Variants in GFRA1 observed in about 807,000 individuals in gnomAD.
GFRA1 encodes GDNF family receptor alpha-1.
A neutral mutation model predicts 51.6 loss-of-function variants in GFRA1; 16 were observed. That is an observed-to-expected ratio of 0.31 (90% CI 0.21 to 0.47). The LOEUF (loss-of-function observed/expected upper bound fraction) is 0.47. GFRA1 is among the 20% of genes least tolerant of loss of function. The pLI, the probability that GFRA1 is intolerant of heterozygous loss-of-function variation, is 1.00. For synonymous variants in GFRA1, 270 were observed against 241.3 expected (o/e 1.12, Z -1.10); for missense variants, 530 against 594.3 (o/e 0.89, Z 1.13).
chr10:116,077,065 T>C (rs1955648763), intron 9 of GFRA1, among the ~76,000 whole-genome samples: 1 of 152,166 alleles, frequency 6.6e-6, no homozygotes, highest in African/African-American at 2.4e-5. Context: ...AGAGACTTTA[T>C]AAGAGTTAGG....
chr10:116,187,745 G>A (rs372578753), intron 5 of GFRA1, among the ~76,000 whole-genome samples: 6 of 152,260 alleles, frequency 3.9e-5, no homozygotes, highest in African/African-American at 1.4e-4. Context: ...GGCTATGAAA[G>A]GGCAGCAGTT....
chr10:116,160,809 A>T (rs1959687842), intron 5 of GFRA1, among the ~76,000 whole-genome samples: 1 of 152,190 alleles, frequency 6.6e-6, no homozygotes, highest in Non-Finnish European at 1.5e-5. Context: ...ATATCCACTC[A>T]CATGCCACAT....
chr10:116,119,492 T>C (rs1428203452), intron 6 of GFRA1, among the ~76,000 whole-genome samples: 1 of 152,244 alleles, frequency 6.6e-6, no homozygotes, highest in Admixed American at 6.5e-5. Flanking sequence ...GTTCAAAAGT[T>C]TGCATTGTCT....
At chr10:116,156,470 C>T (rs145750820) in intron 5 of GFRA1, among the ~76,000 whole-genome samples, 22 of 152,306 alleles carry the variant, frequency 1.4e-4, no homozygotes, top group Non-Finnish European at 2.6e-4. Context: ...TGGAGTACAA[C>T]TAGAACTGCT....
At chr10:116,180,797 C>T (rs1348205126) in intron 5 of GFRA1, among the ~76,000 whole-genome samples, 1 of 152,182 alleles carries the variant, frequency 6.6e-6, no homozygotes, top group Non-Finnish European at 1.5e-5. Context: ...ACCACCCCTC[C>T]ACCACCCCTC....
chr10:116,265,177 C>A (rs539376094), intron 4 of GFRA1, among the ~76,000 whole-genome samples: 2 of 152,258 alleles, frequency 1.3e-5, no homozygotes, highest in African/African-American at 4.8e-5. Context: ...TCTGGAGATC[C>A]TAAGGCTTCC....
At chr10:116,251,990 T>A (rs1286087942) in intron 4 of GFRA1, among the ~76,000 whole-genome samples, 2 of 111,938 alleles carry the variant, frequency 1.8e-5, no homozygotes, top group Middle Eastern at 5.3e-3. Context: ...TTTTTTTTTT[T>A]ACAATTACCA....
At chr10:116,214,169 A>G (rs1965404165) in intron 4 of GFRA1, among the ~76,000 whole-genome samples, 1 of 152,166 alleles carries the variant, frequency 6.6e-6, no homozygotes, top group Admixed American at 6.5e-5. Flanking sequence ...CAGCCGGCAC[A>G]CCTGGAGGAG....
At chr10:116,225,391 T>C (rs1028806130) in intron 4 of GFRA1, among the ~76,000 whole-genome samples, 4 of 151,356 alleles carry the variant, frequency 2.6e-5, no homozygotes, top group African/African-American at 9.7e-5. Context: ...AAAAATTAGC[T>C]GGGTGTGGTG....
At chr10:116,241,663 T>A (rs1173387217) in intron 4 of GFRA1, among the ~76,000 whole-genome samples, 1 of 152,238 alleles carries the variant, frequency 6.6e-6, no homozygotes, top group East Asian at 1.9e-4. Flanking sequence ...TTTCTAAACA[T>A]GGAAGCATTT....
At chr10:116,068,075 T>C (rs1955197108) in intron 9 of GFRA1, among the ~76,000 whole-genome samples, 1 of 152,202 alleles carries the variant, frequency 6.6e-6, no homozygotes, top group Non-Finnish European at 1.5e-5. Flanking sequence ...TTGGCATAAC[T>C]GGAAGAACTG....
chr10:116,237,594 CAAG>C (rs1565671629), intron 4 of GFRA1, among the ~76,000 whole-genome samples: 1 of 125,796 alleles, frequency 7.9e-6, no homozygotes, highest in African/African-American at 3.0e-5. Flanking sequence ...AAAAAAAAAG[CAAG>C]AAGAACGACT....
At chr10:116,189,371 C>T (rs920861837) in intron 5 of GFRA1, among the ~76,000 whole-genome samples, 1 of 152,142 alleles carries the variant, frequency 6.6e-6, no homozygotes, top group Non-Finnish European at 1.5e-5. Flanking sequence ...GAGTAACGTC[C>T]CCTGAGCCCC....
In GFRA1 at chr10:116,174,064, G is replaced by A. The variant is rs768683093; in HGVS notation, c.433+37567C>T. On this transcript the variant is annotated intron_variant, in intron 5 of 10. Coordinates refer to ENST00000355422, the MANE Select transcript of GFRA1 (RefSeq NM_005264.8). ...CATTGCACTCCAGCCTGGGCAACAAGAGCGAAACTCCATTTCAAAAAAAAA... is the reference window on the plus strand; with the variant it reads ...CATTGCACTCCAGCCTGGGCAACAAAAGCGAAACTCCATTTCAAAAAAAAA... 1.2e-4 allele frequency among the ~76,000 whole-genome samples: 18 copies of A among 151,744 alleles called. No homozygotes were observed. The Middle Eastern group carries it at 0.01, about 86-fold the overall frequency.
At chr10:116,069,772 C>G (rs1466875876) in intron 9 of GFRA1, among the ~76,000 whole-genome samples, 1 of 152,156 alleles carries the variant, frequency 6.6e-6, no homozygotes, top group African/African-American at 2.4e-5. Flanking sequence ...CTGTGCAGAA[C>G]GCAGAGATGC....
At chr10:116,179,838 C>T (rs1589849614) in intron 5 of GFRA1, among the ~76,000 whole-genome samples, 1 of 152,100 alleles carries the variant, frequency 6.6e-6, no homozygotes, top group Admixed American at 6.5e-5. Context: ...ATGCTGTATA[C>T]AGAGATGCAC....
intron 9 of GFRA1, among the ~76,000 whole-genome samples, chr10:116,075,430 T>C (rs1207583811): frequency 6.6e-6 from 1 of 152,182 alleles, no homozygotes; most frequent in African/African-American, 2.4e-5. Flanking sequence ...AATGTTACTG[T>C]CCTGGAGGCT....
In GFRA1 at chr10:116,141,276, G is replaced by C. The variant is rs186207498; in HGVS notation, c.434-15719C>G. 1.5e-4 allele frequency among the ~76,000 whole-genome samples: 23 copies of C among 152,262 alleles called. No homozygotes were observed. In the East Asian group the frequency reaches 3.7e-3, roughly 24 times the overall value. Reference sequence around the variant, plus strand: ...TACGTGATGTTTAAATGTGGGTCTCGGGTATGTTTCTTCTTGGCCACCTCC... The same window carrying C: ...TACGTGATGTTTAAATGTGGGTCTCCGGTATGTTTCTTCTTGGCCACCTCC... On this transcript the variant is annotated intron_variant, in intron 5 of 10. Transcript: ENST00000355422.
chr10:116,078,694 A>AT (rs1256444021), intron 9 of GFRA1, among the ~76,000 whole-genome samples: 3 of 150,140 alleles, frequency 2.0e-5, no homozygotes, highest in South Asian at 2.1e-4. Context: ...CAAGGTTTGG[A>AT]TTTTTTTCTA....
Sources: gnomAD v4.1 joint callset for allele counts (sites outside exome capture counted in the v4.1 genomes callset) on GRCh38, gnomAD v4.1.1 for gene constraint, MANE v1.5 for transcripts, NCBI Gene and HGNC (gene_info 2026-07-23, HGNC 2026-07-21) for gene names.